The following CCDC171 variants were observed in gnomAD, a reference collection of about 807,000 sequenced individuals.
The protein encoded by CCDC171 is coiled-coil domain-containing protein 171.
CCDC171 carries 177 observed loss-of-function variants against 168.2 expected under a neutral mutation model. That is an observed-to-expected ratio of 1.05 (90% CI 0.93 to 1.19). The LOEUF (loss-of-function observed/expected upper bound fraction) is 1.19, where lower values mean the gene tolerates loss of function less well. CCDC171 is among the 50% of genes most tolerant of loss of function. The probability of loss-of-function intolerance (pLI) is 0.00; values close to 1 mark genes in which losing one functional copy is unlikely to be tolerated. For missense variants in CCDC171, 1,991 were observed against 1,539.0 expected (o/e 1.29, Z -4.91); for synonymous variants, 687 against 540.8 (o/e 1.27, Z -3.75).
chr9:15,904,491 C>T (rs1307782610), intron 24 of CCDC171, among the ~76,000 whole-genome samples: 1 of 151,490 alleles, frequency 6.6e-6, no homozygotes, highest in Non-Finnish European at 1.5e-5. Flanking sequence ...TTGTCACCAC[C>T]AGGCCTGCCC....
chr9:15,887,377 G>GT (rs562038327), intron 24 of CCDC171, among the ~76,000 whole-genome samples: 115 of 152,146 alleles, frequency 7.6e-4, no homozygotes, highest in Non-Finnish European at 7.8e-4. Context: ...ACAGTAGTAG[G>GT]TTTTTTTCCC....
At chr9:15,862,209 C>A (rs987540452) in intron 23 of CCDC171, among the ~76,000 whole-genome samples, 1 of 151,418 alleles carries the variant, frequency 6.6e-6, no homozygotes, top group Admixed American at 6.6e-5. Flanking sequence ...CTTAAAAATT[C>A]TCTTTTTTTG....
At chr9:15,905,404 A>G (rs945584878) in intron 24 of CCDC171, among the ~76,000 whole-genome samples, 3 of 152,200 alleles carry the variant, frequency 2.0e-5, no homozygotes, top group African/African-American at 4.8e-5. Flanking sequence ...AAACTGAACA[A>G]CCTGCTCCTG....
In CCDC171 at chr9:15,836,389, G is replaced by A. The variant is rs113229028; in HGVS notation, c.3268-10313G>A. On this transcript the variant is annotated intron_variant, in intron 21 of 25. Coordinates refer to ENST00000380701, the MANE Select transcript of CCDC171 (RefSeq NM_173550.4). ...TATTTTTGTTTTTATTTTTTGAAAC[G>A]GAGTCTCTCTCTGTCGCCCAGGCTG... Among the ~76,000 whole-genome samples the A allele has an allele frequency of 1.7e-4, 26 of 152,018 alleles. 1 individual carries two copies. The highest frequency in any genetic ancestry group is 1.2e-3 in the East Asian group (6 of 5,178).
chr9:15,673,365 C>T (rs898126504), intron 9 of CCDC171, among the ~76,000 whole-genome samples: 1 of 152,144 alleles, frequency 6.6e-6, no homozygotes, highest in Non-Finnish European at 1.5e-5. Context: ...CGTGATTGCC[C>T]TGGCCAGAAG....
chr9:15,632,967 A>G (rs2045863425), intron 7 of CCDC171, among the ~76,000 whole-genome samples: 3 of 152,234 alleles, frequency 2.0e-5, no homozygotes, highest in South Asian at 2.1e-4. Flanking sequence ...CTGGCTAGCC[A>G]TATGTAGAAA....
the CCDC171 span, among the ~76,000 whole-genome samples, chr9:16,096,701 A>C: frequency 2.0e-5 from 3 of 152,156 alleles, no homozygotes; most frequent in South Asian, 2.1e-4. Flanking sequence ...TCCATGACAC[A>C]CTTCTTGCAA....
intron 10 of CCDC171, among the ~76,000 whole-genome samples, chr9:15,686,397 A>G (rs2050395679): frequency 6.6e-6 from 1 of 152,066 alleles, no homozygotes; most frequent in Non-Finnish European, 1.5e-5. Flanking sequence ...GTTTTTGATG[A>G]TCATTAAAGA....
At chr9:15,976,338 C>A (rs1831618936), downstream of CCDC171, among the ~76,000 whole-genome samples, 1 of 152,006 alleles carries the variant, frequency 6.6e-6, no homozygotes, top group African/African-American at 2.4e-5. Flanking sequence ...CTTGAATTTT[C>A]AAATTCTTTT....
intron 16 of CCDC171, among the ~76,000 whole-genome samples, chr9:15,744,017 C>G (rs777962088): frequency 6.6e-6 from 1 of 152,042 alleles, no homozygotes; most frequent in Non-Finnish European, 1.5e-5. Flanking sequence ...ATGAAATAGT[C>G]TTAAATTTAT....
chr9:15,983,302 A>C (rs1272024770), intron 3 of CCDC171, among the ~76,000 whole-genome samples: 1 of 152,116 alleles, frequency 6.6e-6, no homozygotes, highest in African/African-American at 2.4e-5. Context: ...TGACAAGTAC[A>C]TGGGAGTGCT....
In CCDC171 at chr9:15,846,795, C is replaced by T. The variant is rs140792485; in HGVS notation, c.3361C>T (p.Arg1121Ter). The T allele has an allele frequency of 3.1e-6, 5 of 1,611,388 alleles. No homozygotes were observed. The highest frequency in any genetic ancestry group is 2.7e-5 in the African/African-American group (2 of 74,828). ...TACCCAGCTGGAGCAGGACAAGCGT[C>T]GACTGGAGGAGAACATCCATGATGC... is the stretch of plus-strand genomic sequence containing the variant. ...HLTQLEQDKR[R>*]LEENIHDAES... The change falls in exon 22 of 26, where the codon CGA becomes TGA. Residue 1121 changes from arginine (R) to a stop codon, truncating the protein, a stop_gained. Coordinates refer to ENST00000380701, the MANE Select transcript of CCDC171 (RefSeq NM_173550.4). LOFTEE classifies it high-confidence loss of function.
At chr9:15,572,661 C>T (rs552769533) in intron 3 of CCDC171, among the ~76,000 whole-genome samples, 2 of 152,332 alleles carry the variant, frequency 1.3e-5, no homozygotes, top group African/African-American at 4.8e-5. Context: ...TAATGTCTCT[C>T]TAAGTGAAAC....
rs2053933934 is a variant in CCDC171 at position 15,728,158 on chromosome 9, A to G, written c.1860+122A>G. 3 of 730,780 alleles carry G rather than the reference A, an allele frequency of 4.1e-6. No homozygotes were observed. In the South Asian group the frequency reaches 6.7e-5, roughly 16 times the overall value. The allele number at this position is 730,780 out of a possible 1,614,324, so 45.3% of individuals were successfully genotyped here. A position where few individuals can be genotyped will look rare whatever the true frequency, so the allele number is the denominator to read the frequency against. The stretch of plus-strand genomic sequence containing the variant: ...AAAAGAATTTGGATGTTAATAATTC[A>G]ATACCATTAATTATGGCTTGTCTAC... On this transcript the variant is annotated intron_variant, in intron 15 of 25. Transcript: ENST00000380701.
At chr9:15,628,313 T>A (rs923853065) in intron 7 of CCDC171, among the ~76,000 whole-genome samples, 6 of 152,050 alleles carry the variant, frequency 3.9e-5, no homozygotes, top group Non-Finnish European at 8.8e-5. Context: ...GAAAATCGGG[T>A]CACTCCCACC....
At chr9:15,628,007 G>C (rs998017435) in intron 7 of CCDC171, among the ~76,000 whole-genome samples, 2 of 152,144 alleles carry the variant, frequency 1.3e-5, no homozygotes, top group Admixed American at 6.5e-5. Flanking sequence ...GTATTGTGTA[G>C]GGTGATAAGG....
In CCDC171 at chr9:15,594,105, T is replaced by G; in HGVS notation, c.608T>G (p.Leu203Trp). 1 of 1,551,618 alleles carries G rather than the reference T, an allele frequency of 6.4e-7. No individual in the cohort carries two copies. The highest frequency in any genetic ancestry group is 8.9e-7 in the Non-Finnish European group (1 of 1,126,966). Reference protein sequence around the residue: ...EMESHIRETALEEFRLQEEQW... With the variant: ...EMESHIRETAWEEFRLQEEQW... ...GAGTCTCATATCAGGGAGACAGCAT[T>G]GGAGGAGTTTAGATTACAAGAAGAA... is the stretch of plus-strand genomic sequence containing the variant. Residue 203 changes from leucine to tryptophan, a missense_variant, in exon 6 of 26, where the codon TTG becomes TGG. By Grantham distance (61) the Leu-to-Trp change is moderately conservative. Coordinates refer to ENST00000380701, the MANE Select transcript of CCDC171 (RefSeq NM_173550.4).
intron 3 of CCDC171, among the ~76,000 whole-genome samples, chr9:15,991,012 A>ATC (rs1324495229): frequency 6.6e-6 from 1 of 152,176 alleles, no homozygotes; most frequent in Admixed American, 6.5e-5. Flanking sequence ...CATTAGACAG[A>ATC]TCAACGAGAC....
chr9:15,849,571 C>T (rs2061041866), intron 23 of CCDC171, among the ~76,000 whole-genome samples: 2 of 151,010 alleles, frequency 1.3e-5, no homozygotes, highest in African/African-American at 2.4e-5. Flanking sequence ...ATTTATTGAC[C>T]ATGTATTTTG....
Sources: gnomAD v4.1 joint callset for allele counts (sites outside exome capture counted in the v4.1 genomes callset) on GRCh38, gnomAD v4.1.1 for gene constraint, MANE v1.5 for transcripts, NCBI Gene and HGNC (gene_info 2026-07-23, HGNC 2026-07-21) for gene names.